Variants in ARNT2 observed in about 807,000 individuals in gnomAD.
ARNT2 encodes the protein ARNT protein 2.
ARNT2 carries 36 observed loss-of-function variants against 91.7 expected under a neutral mutation model. The ratio of observed to expected loss-of-function variants is 0.39; its 90% CI spans 0.30 to 0.52. The LOEUF (loss-of-function observed/expected upper bound fraction) is 0.52. Ranked by LOEUF, ARNT2 falls within the 20% of genes least tolerant of loss-of-function variation. The pLI is 0.72. For synonymous variants in ARNT2, 365 were observed against 347.1 expected, an observed-to-expected ratio of 1.05 and a Z score of -0.57; for missense variants, 775 against 939.3, an observed-to-expected ratio of 0.83 and a Z score of 2.29.
Position 80,404,576 on chromosome 15 carries a change from C to A in ARNT2, c.31+30C>A. ...GTAGCGGCCTGGGCCCCGCCGCCCG[C>A]CGCAGCCCGCAGGCCTTGCCCGGGG... On this transcript the variant is annotated intron_variant, in intron 1 of 18. Coordinates refer to ENST00000303329, the MANE Select transcript of ARNT2 (RefSeq NM_014862.4). This position sits in a 1 kb window ranked among gnomAD's most constrained non-coding sequence, Gnocchi z 5.5. 9.2e-7 allele frequency: 1 copy of A among 1,082,532 alleles called. No individual in the cohort carries two copies. The allele number at this position is 1,082,532 out of a possible 1,614,324, so 67.1% of individuals were successfully genotyped here.
intron 8 of ARNT2, among the ~76,000 whole-genome samples, chr15:80,532,298 T>C (rs1337591049): frequency 6.6e-6 from 1 of 152,150 alleles, no homozygotes; most frequent in African/African-American, 2.4e-5. Flanking sequence ...ACCCCCAAGC[T>C]GCACTGCCCC....
chr15:80,477,903 C>A (rs2141400002), intron 5 of ARNT2, among the ~76,000 whole-genome samples: 1 of 152,248 alleles, frequency 6.6e-6, no homozygotes, highest in Middle Eastern at 3.4e-3. Flanking sequence ...TAGTAATTTT[C>A]TCAGTGCTGG....
In ARNT2 at chr15:80,404,453, G is replaced by A. The variant is rs943289296; in HGVS notation, c.-63G>A. ...CCTGACCGGGTCCCCGGGGCTGAGC[G>A]CCGGGCTCCGCGCCGCCCCTCCCGC... On this transcript the variant is annotated 5_prime_UTR_variant, in exon 1 of 19. Transcript: ENST00000303329. This position sits in a 1 kb window ranked among gnomAD's most constrained non-coding sequence, Gnocchi z 5.5. 3 of 1,130,836 alleles carry A rather than the reference G, an allele frequency of 2.7e-6. No individual in the cohort carries two copies. The highest frequency in any genetic ancestry group is 1.9e-5 in the South Asian group (1 of 52,592). The allele number at this position is 1,130,836 out of a possible 1,614,324, so 70.1% of individuals were successfully genotyped here.
chr15:80,442,565 A>T (rs1283017197), intron 1 of ARNT2, among the ~76,000 whole-genome samples: 1 of 152,190 alleles, frequency 6.6e-6, no homozygotes, highest in Non-Finnish European at 1.5e-5. Flanking sequence ...TCTCACAGCA[A>T]CCTCTGCAAA....
At chr15:80,425,717 G>GTT (rs11462589) in intron 1 of ARNT2, among the ~76,000 whole-genome samples, 143 of 147,226 alleles carry the variant, frequency 9.7e-4, no homozygotes, top group African/African-American at 3.3e-3. Context: ...GTTTTGGAGT[G>GTT]TTTTTTTTTT....
intron 16 of ARNT2, among the ~76,000 whole-genome samples, chr15:80,580,802 C>T (rs765171876): frequency 3.9e-5 from 6 of 152,182 alleles, no homozygotes; most frequent in Non-Finnish European, 8.8e-5. Flanking sequence ...AAAGGTTGGG[C>T]AGGTTGAGAC....
At chr15:80,443,182 G>A (rs541614144) in intron 1 of ARNT2, among the ~76,000 whole-genome samples, 2 of 152,208 alleles carry the variant, frequency 1.3e-5, no homozygotes, top group Non-Finnish European at 2.9e-5. Flanking sequence ...TCTTGCCAGA[G>A]GACATAGCAT....
chr15:80,458,558 G>A (rs1009352597), intron 3 of ARNT2, among the ~76,000 whole-genome samples: 8 of 152,126 alleles, frequency 5.3e-5, no homozygotes, highest in East Asian at 1.9e-4. Flanking sequence ...CTGCGGGGCC[G>A]TCCTGAGTGC....
intron 5 of ARNT2, among the ~76,000 whole-genome samples, chr15:80,505,927 G>GTTTTTTTTTTTTTTTTTTTTTT (rs1161520898): frequency 1.1e-5 from 1 of 88,930 alleles, no homozygotes; most frequent in Non-Finnish European, 2.2e-5. Flanking sequence ...AACATTTGTT[G>GTTTTTTTTTTTTTTTTTTTTTT]TTTTTTTTTT....
intron 3 of ARNT2, among the ~76,000 whole-genome samples, chr15:80,466,199 T>A (rs1324501202): frequency 1.3e-5 from 2 of 152,216 alleles, no homozygotes. Flanking sequence ...TTCGTATTCT[T>A]TAACTAAGAT....
intron 3 of ARNT2, among the ~76,000 whole-genome samples, chr15:80,469,757 G>A (rs1896707457): frequency 6.6e-6 from 1 of 152,122 alleles, no homozygotes; most frequent in Non-Finnish European, 1.5e-5. Context: ...TGGGATTACA[G>A]GCATGCGCTA....
intron 13 of ARNT2, 78 bp downstream of exon 13, chr15:80,574,298 T>A: frequency 1.4e-6 from 2 of 1,409,388 alleles, no homozygotes; most frequent in Non-Finnish European, 2.0e-6. Flanking sequence ...AGCCCTGAGC[T>A]TGAGCCCCTC....
chr15:80,490,355 G>A (rs917383956), intron 5 of ARNT2, among the ~76,000 whole-genome samples: 3 of 152,172 alleles, frequency 2.0e-5, no homozygotes, highest in South Asian at 2.1e-4. Context: ...CAGTCCAGGC[G>A]GCTTCAAGGA....
intron 1 of ARNT2, among the ~76,000 whole-genome samples, chr15:80,414,469 G>T (rs751307743): frequency 1.3e-5 from 2 of 152,146 alleles, no homozygotes; most frequent in Non-Finnish European, 2.9e-5. Flanking sequence ...AGATAATAAA[G>T]GGCTGGCCCC....
At position 80,581,337 on chromosome 15, in the gene ARNT2, C is replaced by G. The variant is rs763411197; in HGVS notation, c.1851C>G (p.Ser617=). ...ACCCCTCTTCCTACAGCCCCCTCTC[C>G]AGCCCAGCTACCTCCTCGCCAAGTG... The part of the protein sequence containing the change: ...PADPSSYSPL[S]SPATSSPSGN... Residue 617 remains serine (S), a synonymous_variant, in exon 17 of 19, where the codon TCC becomes TCG. Transcript: ENST00000303329. The G allele has an allele frequency of 6.2e-7, 1 of 1,614,212 alleles. No individual in the cohort carries two copies. Among genetic ancestry groups the G allele is most frequent in the Non-Finnish European group, 8.5e-7 (1 of 1,180,032 alleles).
intron 1 of ARNT2, among the ~76,000 whole-genome samples, chr15:80,423,808 A>G (rs1247092322): frequency 1.4e-5 from 2 of 139,354 alleles, no homozygotes; most frequent in South Asian, 2.3e-4. Context: ...GAGTCATACT[A>G]TATTGGTCAA....
chr15:80,498,326 C>T (rs557785970), intron 5 of ARNT2, among the ~76,000 whole-genome samples: 1 of 152,262 alleles, frequency 6.6e-6, no homozygotes, highest in African/African-American at 2.4e-5. Context: ...AGAAGGGCTA[C>T]GTGGCCTTAA....
intron 5 of ARNT2, among the ~76,000 whole-genome samples, chr15:80,478,561 C>G (rs769164367): frequency 2.0e-5 from 3 of 152,230 alleles, no homozygotes. Context: ...GCCTATGGGC[C>G]AAGCCCGTCT....
chr15:80,543,049 A>G (rs376775104), intron 8 of ARNT2, among the ~76,000 whole-genome samples: 25 of 146,778 alleles, frequency 1.7e-4, no homozygotes, highest in East Asian at 1.2e-3. Context: ...GTGAACCAAG[A>G]TCGCGCCACT....
Sources: allele counts gnomAD v4.1 joint callset (sites outside exome capture counted in the v4.1 genomes callset), GRCh38; gene constraint gnomAD v4.1.1; non-coding constraint Gnocchi (gnomAD v3.1); transcripts MANE v1.5; gene names NCBI Gene and HGNC (gene_info 2026-07-23, HGNC 2026-07-21).